The following CPA6 variants were observed in gnomAD, a reference collection of about 807,000 sequenced individuals.
CPA6 encodes carboxypeptidase B.
CPA6 carries 58 observed loss-of-function variants against 63.3 expected under a neutral mutation model. The ratio of observed to expected loss-of-function variants is 0.92; its 90% confidence interval spans 0.74 to 1.14. The LOEUF (loss-of-function observed/expected upper bound fraction) is 1.14, where lower values mean the gene tolerates loss of function less well. Among genes scored for constraint, CPA6 ranks in the 50% most tolerant of loss-of-function variants. CPA6 has a pLI of 0.00. For synonymous variants in CPA6, 185 were observed against 179.0 expected, an observed-to-expected ratio of 1.03 and a Z score of -0.27; for missense variants, 565 against 526.6, an observed-to-expected ratio of 1.07 and a Z score of -0.71.
At chr8:67,715,020 G>T (rs912931722) in intron 1 of CPA6, among the ~76,000 whole-genome samples, 1 of 152,148 alleles carries the variant, frequency 6.6e-6, no homozygotes, top group Non-Finnish European at 1.5e-5. Context: ...TTAAGTCACC[G>T]ATAAGAGAAC....
intron 2 of CPA6, among the ~76,000 whole-genome samples, chr8:67,595,310 T>C (rs1228064355): frequency 6.6e-6 from 1 of 152,140 alleles, no homozygotes; most frequent in Admixed American, 6.5e-5. Flanking sequence ...GCCTCCCCAT[T>C]AGGCTGCTCG....
Position 67,488,460 on chromosome 8 carries a change from G to A in CPA6, c.637-3671C>T, listed in dbSNP as rs1205727090. The stretch of plus-strand genomic sequence containing the variant: ...ATGCTGTTGTGGTTACTGTAGCCTT[G>A]TAGTACAGTTTGAAGTCAGGTAGCC... On this transcript the variant is annotated intron_variant, in intron 6 of 10. Coordinates refer to ENST00000297770, the MANE Select transcript of CPA6 (RefSeq NM_020361.5). Among the ~76,000 whole-genome samples, 3 of 152,158 alleles carry A rather than the reference G, an allele frequency of 2.0e-5. No homozygotes were observed. In the East Asian group the frequency reaches 5.8e-4, roughly 29 times the overall value.
At chr8:67,735,677 C>CTTTTTTTTTTT (rs199533677) in intron 1 of CPA6, 1 of 145,190 alleles carries the variant, frequency 6.9e-6, no homozygotes. Flanking sequence ...TAGTGGCAGT[C>CTTTTTTTTTTT]TTTTTTTTTT....
intron 1 of CPA6, among the ~76,000 whole-genome samples, chr8:67,721,620 T>C (rs1181186562): frequency 6.6e-6 from 1 of 152,052 alleles, no homozygotes; most frequent in Non-Finnish European, 1.5e-5. Flanking sequence ...ACGATAGAGG[T>C]GCAGGGTTAT....
At chr8:67,477,056 C>T (rs1004738485) in intron 8 of CPA6, among the ~76,000 whole-genome samples, 3 of 151,776 alleles carry the variant, frequency 2.0e-5, no homozygotes, top group African/African-American at 4.8e-5. Context: ...TTTGAGAGGC[C>T]GAGGCAGGTG....
rs565756312 is a variant in CPA6, at chr8:67,439,545, C to T, written c.839-5305G>A. Among the ~76,000 whole-genome samples, 60 of 150,272 alleles carry T rather than the reference C, an allele frequency of 4.0e-4. No homozygotes were observed. In the South Asian group the frequency reaches 0.011, roughly 28 times the overall value. ...CAGAGGTTGAAGTGAGCTGAGATCACGCCATTGCACTCCAGCCTGGGTGAC... is the reference window on the plus strand; with the variant it reads ...CAGAGGTTGAAGTGAGCTGAGATCATGCCATTGCACTCCAGCCTGGGTGAC... On this transcript the variant is annotated intron_variant, in intron 8 of 10. Coordinates refer to ENST00000297770, the MANE Select transcript of CPA6 (RefSeq NM_020361.5).
intron 1 of CPA6, among the ~76,000 whole-genome samples, chr8:67,673,388 A>ATTAT (rs1554532408): frequency 2.5e-4 from 34 of 134,004 alleles, no homozygotes; most frequent in African/African-American, 9.3e-4. Flanking sequence ...TTATTTATTT[A>ATTAT]TTTTTTTTTT....
chr8:67,702,076 A>G (rs951338121), intron 1 of CPA6, among the ~76,000 whole-genome samples: 1 of 152,154 alleles, frequency 6.6e-6, no homozygotes, highest in Non-Finnish European at 1.5e-5. Flanking sequence ...CTCCAGGGAA[A>G]GACAGTCTCC....
In CPA6 at chr8:67,727,718, G is replaced by A. The variant is rs117612430; in HGVS notation, c.116+18296C>T. On this transcript the variant is annotated intron_variant, in intron 1 of 10. Coordinates refer to ENST00000297770, the MANE Select transcript of CPA6 (RefSeq NM_020361.5). The stretch of plus-strand genomic sequence containing the variant: ...CAACTTTTGTTCACAGGGCAGTTAT[G>A]CCCCTCACCTTCCTAGGACTTGTCC... Among the ~76,000 whole-genome samples the A allele has an allele frequency of 8.9e-3, 1,352 of 152,274 alleles. 14 individuals carry two copies. Among genetic ancestry groups the A allele is most frequent in the Non-Finnish European group, 0.014 (964 of 68,012 alleles).
intron 2 of CPA6, among the ~76,000 whole-genome samples, chr8:67,593,712 G>GCCT (rs925337509): frequency 6.6e-6 from 1 of 150,758 alleles, no homozygotes; most frequent in African/African-American, 2.4e-5. Context: ...TGCAACCCCT[G>GCCT]CCTTTTTTTG....
At chr8:67,438,669 A>G (rs140745295) in intron 8 of CPA6, among the ~76,000 whole-genome samples, 12 of 152,334 alleles carry the variant, frequency 7.9e-5, no homozygotes, top group African/African-American at 2.9e-4. Flanking sequence ...TTAGTAAGCA[A>G]CTTAGTAACA....
rs1031711234 is a variant in CPA6 at position 67,718,198 on chromosome 8, T to C, written c.116+27816A>G. 1.6e-4 allele frequency among the ~76,000 whole-genome samples: 25 copies of C among 152,156 alleles called. 1 individual carries two copies. ...CCCCAACTCACACAACAAAATATTT[T>C]AAGTCCTAATGACTCCTGGTTGTCA... On this transcript the variant is annotated intron_variant, in intron 1 of 10. Coordinates refer to ENST00000297770, the MANE Select transcript of CPA6 (RefSeq NM_020361.5).
At position 67,507,319 on chromosome 8, in the gene CPA6, T is replaced by A. The variant is rs949810021; in HGVS notation, c.535-431A>T. ...AAGTAAAAAGCTAAGTCCTCCCTCA[T>A]CCCCTTTCTCTTTCCATCCCAAGGA... On this transcript the variant is annotated intron_variant, in intron 5 of 10. Transcript: ENST00000297770. Among the ~76,000 whole-genome samples the A allele has an allele frequency of 8.5e-5, 13 of 152,076 alleles. No homozygotes were observed. The East Asian group carries it at 1.5e-3, about 18-fold the overall frequency.
In CPA6 at chr8:67,509,583, G is replaced by A. The variant is rs1228261741; in HGVS notation, c.468C>T (p.His156=). The stretch of plus-strand genomic sequence containing the variant: ...TAGAGAACATGTGAATGAGGCCTGA[G>A]TGAGTTTTATTCAGATGATGCATCC... The part of the protein sequence containing the change: ...QNWMHHLNKT[H]SGLIHMFSIG... Residue 156 remains histidine, a synonymous_variant, in exon 5 of 11, where the codon CAC becomes CAT. Transcript: ENST00000297770. The A allele has an allele frequency of 3.1e-6, 5 of 1,598,272 alleles. No individual in the cohort carries two copies. Among genetic ancestry groups the A allele is most frequent in the Non-Finnish European group, 3.4e-6 (4 of 1,169,268 alleles).
At chr8:67,558,973 A>G (rs993642614) in intron 2 of CPA6, among the ~76,000 whole-genome samples, 5 of 152,202 alleles carry the variant, frequency 3.3e-5, no homozygotes, top group African/African-American at 1.2e-4. Flanking sequence ...GCCCTGTCAA[A>G]TTATATTGGC....
chr8:67,596,631 A>G (rs1210845963), intron 2 of CPA6, among the ~76,000 whole-genome samples: 1 of 152,184 alleles, frequency 6.6e-6, no homozygotes, highest in African/African-American at 2.4e-5. Flanking sequence ...AGGATAGTAC[A>G]ATCACAAAAA....
In CPA6 at chr8:67,722,581, C is replaced by T. The variant is rs774500065; in HGVS notation, c.116+23433G>A. On this transcript the variant is annotated intron_variant, in intron 1 of 10. Coordinates refer to ENST00000297770, the MANE Select transcript of CPA6 (RefSeq NM_020361.5). Reference sequence around the variant, plus strand: ...TCAAATGAAAAGAATGATGGTCCTTCCCTGATCGGCTGAAACTGAGATACT... The same window carrying T: ...TCAAATGAAAAGAATGATGGTCCTTTCCTGATCGGCTGAAACTGAGATACT... 1.2e-3 allele frequency among the ~76,000 whole-genome samples: 188 copies of T among 152,256 alleles called. 1 individual carries two copies. The highest frequency in any genetic ancestry group is 1.8e-3 in the Non-Finnish European group (120 of 68,022).
At chr8:67,435,630 G>GTA (rs967255873) in intron 8 of CPA6, among the ~76,000 whole-genome samples, 18 of 133,000 alleles carry the variant, frequency 1.4e-4, no homozygotes, top group African/African-American at 7.0e-4. Flanking sequence ...GTGCGTGCAT[G>GTA]TGTGTGTGTG....
At position 67,631,670 on chromosome 8, in the gene CPA6, C is replaced by T. The variant is rs112223527; in HGVS notation, c.117-7419G>A. ...GCGGCAACCCACTAGGGTTCTCTTC[C>T]ACCCTGTGTAAACTTTGTTCTTTTA... On this transcript the variant is annotated intron_variant, in intron 1 of 10. Transcript: ENST00000297770. 5.8e-3 allele frequency among the ~76,000 whole-genome samples: 880 copies of T among 152,336 alleles called. 10 individuals are homozygous for T. Among genetic ancestry groups the T allele is most frequent in the African/African-American group, 0.02 (818 of 41,560 alleles).
Sources: allele counts gnomAD v4.1 joint callset (sites outside exome capture counted in the v4.1 genomes callset), GRCh38; gene constraint gnomAD v4.1.1; transcripts MANE v1.5; gene names NCBI Gene and HGNC (gene_info 2026-07-23, HGNC 2026-07-21).